Variants in MLLT10 observed in about 807,000 individuals in gnomAD.
MLLT10 encodes the protein MLLT10 histone lysine methyltransferase DOT1L cofactor, also known as protein AF-10.
Under a neutral mutation model 129.1 loss-of-function variants are expected in MLLT10, and 30 were observed. The ratio of observed to expected loss-of-function variants is 0.23; its 90% CI spans 0.17 to 0.32. MLLT10 has a LOEUF of 0.32. MLLT10 is among the 10% of genes least tolerant of loss of function. The probability of loss-of-function intolerance (pLI) is 1.00; values close to 1 mark genes in which losing one functional copy is unlikely to be tolerated. For synonymous variants in MLLT10, 490 were observed against 446.4 expected (o/e 1.10, Z -1.23); for missense variants, 1,119 against 1,268.3 (o/e 0.88, Z 1.79).
intron 20 of MLLT10, among the ~76,000 whole-genome samples, chr10:21,734,562 G>A (rs2058209624): frequency 6.6e-6 from 1 of 152,154 alleles, no homozygotes; most frequent in South Asian, 2.1e-4. Flanking sequence ...AGACTCACTG[G>A]TTTCATTGTA....
At chr10:21,629,424 T>C (rs1174999488) in intron 8 of MLLT10, among the ~76,000 whole-genome samples, 1 of 152,198 alleles carries the variant, frequency 6.6e-6, no homozygotes, top group African/African-American at 2.4e-5. Flanking sequence ...TAGGTAAGCC[T>C]GTTCAGTACG....
chr10:21,573,420 A>AGC (rs894542773), intron 3 of MLLT10, among the ~76,000 whole-genome samples: 19 of 152,210 alleles, frequency 1.2e-4, no homozygotes, highest in Non-Finnish European at 8.8e-5. Flanking sequence ...GCCATGGAGA[A>AGC]TACACAGCTG....
chr10:21,642,693 T>C (rs2048134428), intron 8 of MLLT10, among the ~76,000 whole-genome samples: 1 of 151,864 alleles, frequency 6.6e-6, no homozygotes, highest in Non-Finnish European at 1.5e-5. Flanking sequence ...ATTTAACTTC[T>C]ATTTTATTAT....
At chr10:21,714,942 A>G (rs955815595) in intron 14 of MLLT10, among the ~76,000 whole-genome samples, 1 of 152,112 alleles carries the variant, frequency 6.6e-6, no homozygotes, top group African/African-American at 2.4e-5. Context: ...CCCTTCCCCA[A>G]AGATAATCAT....
chr10:21,717,689 C>CTCT (rs2056771065), intron 14 of MLLT10, among the ~76,000 whole-genome samples: 1 of 102,248 alleles, frequency 9.8e-6, no homozygotes, highest in Non-Finnish European at 1.8e-5. Flanking sequence ...CCTCCTCCTC[C>CTCT]TCCTCCTCCT....
intron 3 of MLLT10, among the ~76,000 whole-genome samples, chr10:21,566,503 T>G (rs1441452455): frequency 1.3e-5 from 2 of 151,604 alleles, no homozygotes; most frequent in African/African-American, 2.4e-5. Flanking sequence ...AATTTTTATA[T>G]TTTTAGTAGA....
rs920841969 is a variant in MLLT10 at position 21,714,084 on chromosome 10, A to G, written c.1878+134A>G. On this transcript the variant is annotated intron_variant, in intron 14 of 22. Transcript: ENST00000307729. ...GAAATACCTCAATTTGTATTAATGT[A>G]TTAGTGAAAATGATAGGTATTTTTA... The G allele has an allele frequency of 1.2e-5, 8 of 683,502 alleles. No homozygotes were observed. The South Asian group carries it at 1.4e-4, about 12-fold the overall frequency. 42.3% of individuals were successfully genotyped at this position (683,502 alleles called of 1,614,324 possible). A position where few individuals can be genotyped will look rare whatever the true frequency, so the allele number is the denominator to read the frequency against.
chr10:21,742,174 G>C lies in MLLT10; in HGVS notation c.*191G>C. On this transcript the variant is annotated 3_prime_UTR_variant, in exon 23 of 23. Transcript: ENST00000307729. Reference sequence around the variant, plus strand: ...CTTGTTGCTTTGTTGCACTGAAATGGAATTCCCATGCCCCTACCCCTTACC... The same window carrying C: ...CTTGTTGCTTTGTTGCACTGAAATGCAATTCCCATGCCCCTACCCCTTACC... The C allele has an allele frequency of 1.9e-6, 1 of 539,682 alleles. No individual in the cohort carries two copies. The highest frequency in any genetic ancestry group is 3.2e-6 in the Non-Finnish European group (1 of 311,454). The allele number at this position is 539,682 out of a possible 1,614,324, so 33.4% of individuals were successfully genotyped here.
chr10:21,543,756 A>C (rs1023478274), intron 3 of MLLT10, among the ~76,000 whole-genome samples: 2 of 152,098 alleles, frequency 1.3e-5, no homozygotes, highest in African/African-American at 2.4e-5. Context: ...TGGGATTACC[A>C]TTGTGAGCCA....
At chr10:21,535,998 G>A (rs2033919388) in intron 2 of MLLT10, among the ~76,000 whole-genome samples, 1 of 152,174 alleles carries the variant, frequency 6.6e-6, no homozygotes. Flanking sequence ...TAGTGCAGTG[G>A]TGCCATCTCA....
In MLLT10 at chr10:21,672,168, AGTGTGTGT is replaced by A. The variant is rs55769872; in HGVS notation, c.1052-1147_1052-1140del. 4.2e-3 allele frequency among the ~76,000 whole-genome samples: 568 copies of A among 134,370 alleles called. 3 individuals carry two copies. Among genetic ancestry groups the A allele is most frequent in the African/African-American group, 0.015 (505 of 34,602 alleles). The allele number at this position is 134,370 out of a possible 152,430, so 88.2% of individuals were successfully genotyped here. On this transcript the variant is annotated intron_variant, in intron 10 of 22. Coordinates refer to ENST00000307729, the MANE Select transcript of MLLT10 (RefSeq NM_001195626.3). ...ACACTAACCTGTTTTCCAGGTTTTC[AGTGTGTGT>A]GTGTGTGTGTGTGTGTGTGTGTGTG...
At chr10:21,620,509 A>G (rs1280926525) in intron 8 of MLLT10, among the ~76,000 whole-genome samples, 1 of 152,068 alleles carries the variant, frequency 6.6e-6, no homozygotes, top group Non-Finnish European at 1.5e-5. Flanking sequence ...TTAACAGGAT[A>G]TTTTCAGCTT....
intron 13 of MLLT10, chr10:21,708,707 A>C (rs1476242625): frequency 1.0e-6 from 1 of 985,212 alleles, no homozygotes; most frequent in Non-Finnish European, 1.2e-6. Context: ...TTGAGATTGA[A>C]GGTCCTTAAT....
intron 5 of MLLT10, among the ~76,000 whole-genome samples, chr10:21,608,777 T>C (rs1335334082): frequency 6.6e-6 from 1 of 152,178 alleles, no homozygotes; most frequent in Non-Finnish European, 1.5e-5. Flanking sequence ...CTTCTCCCAA[T>C]TAAATCAGCT....
intron 13 of MLLT10, among the ~76,000 whole-genome samples, chr10:21,704,261 G>C (rs2055240781): frequency 6.8e-6 from 1 of 146,744 alleles, no homozygotes; most frequent in African/African-American, 2.5e-5. Flanking sequence ...TGCCAGCCTT[G>C]GCCTCCCAAA....
In MLLT10 at chr10:21,673,665, C is replaced by T; in HGVS notation, c.1367C>T (p.Ser456Phe). Residue 456 changes from serine to phenylalanine, a missense_variant, in exon 11 of 23, where the codon TCT (serine) becomes TTT (phenylalanine). This residue lies in a region of MLLT10 where 1,004 missense variants were observed against 1,008.7 expected (regional missense o/e 1.00). Coordinates refer to ENST00000307729, the MANE Select transcript of MLLT10 (RefSeq NM_001195626.3). ...GCAGGATATAAGCGGGCTCAAACTT[C>T]TGGCATAGAAGAAGAAACTGTAAAG... ...PTAGYKRAQT[S>F]GIEEETVKEK... 1 of 1,614,052 alleles carries T rather than the reference C, an allele frequency of 6.2e-7. No homozygotes were observed. The highest frequency in any genetic ancestry group is 1.1e-5 in the South Asian group (1 of 91,076).
chr10:21,694,714 C>A (rs906356185), intron 13 of MLLT10, among the ~76,000 whole-genome samples: 1 of 152,260 alleles, frequency 6.6e-6, no homozygotes, highest in East Asian at 1.9e-4. Flanking sequence ...ATTAGTTTTC[C>A]ATTGCTGACA....
chr10:21,695,063 T>TC (rs1491069688), intron 13 of MLLT10, among the ~76,000 whole-genome samples: 300 of 1,808 alleles, frequency 0.17, no homozygotes, highest in Middle Eastern at 0.5. Flanking sequence ...TCTACCTTCT[T>TC]TTTTTTTTTT....
chr10:21,547,332 G>A (rs1212138176), intron 3 of MLLT10, among the ~76,000 whole-genome samples: 3 of 151,606 alleles, frequency 2.0e-5, no homozygotes, highest in Admixed American at 1.3e-4. Flanking sequence ...TCCTTGGGAC[G>A]CCTTGATTCC....
Sources: allele counts gnomAD v4.1 joint callset (sites outside exome capture counted in the v4.1 genomes callset), GRCh38; gene constraint gnomAD v4.1.1; regional missense constraint gnomAD v4.1.1; transcripts MANE v1.5; gene names NCBI Gene and HGNC (gene_info 2026-07-23, HGNC 2026-07-21).